Variants in KIAA1328 observed in about 807,000 individuals in gnomAD.
The protein encoded by KIAA1328 is KIAA1328.
Under a neutral mutation model 68.1 loss-of-function variants are expected in KIAA1328, and 52 were observed. The ratio of observed to expected loss-of-function variants is 0.76; its 90% CI spans 0.61 to 0.96. The LOEUF is 0.96. Among genes scored for constraint, KIAA1328 ranks in the 40% least tolerant of loss-of-function variants. The pLI is 0.00. For missense variants in KIAA1328, 641 were observed against 677.6 expected (o/e 0.95, Z 0.60); for synonymous variants, 232 against 239.4 (o/e 0.97, Z 0.28).
intron 4 of KIAA1328, among the ~76,000 whole-genome samples, chr18:36,864,983 T>C (rs1283511902): frequency 3.9e-5 from 6 of 152,002 alleles, no homozygotes; most frequent in African/African-American, 7.2e-5. Context: ...CTTTTTTTTT[T>C]CAAAGAACTA....
intron 6 of KIAA1328, among the ~76,000 whole-genome samples, chr18:37,038,217 T>C (rs577701731): frequency 6.6e-6 from 1 of 152,344 alleles, no homozygotes; most frequent in East Asian, 1.9e-4. Context: ...AGCTTTTAGC[T>C]TGCTTATCTA....
At chr18:37,217,662 C>T (rs574925863) in intron 9 of KIAA1328, among the ~76,000 whole-genome samples, 2 of 152,260 alleles carry the variant, frequency 1.3e-5, no homozygotes, top group East Asian at 1.9e-4. Flanking sequence ...TTGCTCTTCT[C>T]AAGGAGTATC....
At chr18:37,025,074 C>A (rs1354918380) in intron 6 of KIAA1328, among the ~76,000 whole-genome samples, 2 of 152,156 alleles carry the variant, frequency 1.3e-5, no homozygotes, top group African/African-American at 4.8e-5. Flanking sequence ...ACCATTCTAA[C>A]TGGTATGAGA....
rs576761093 is a variant in KIAA1328, at chr18:37,211,460, T to C, written c.1524-10557T>C. Among the ~76,000 whole-genome samples, 7 of 152,354 alleles carry C rather than the reference T, an allele frequency of 4.6e-5. No homozygotes were observed. In the East Asian group the frequency reaches 1.3e-3, roughly 29 times the overall value. On this transcript the variant is annotated intron_variant, in intron 9 of 9. Coordinates refer to ENST00000280020, the MANE Select transcript of KIAA1328 (RefSeq NM_020776.3). ...TAACTGGGTTCTGGCCAGTCAGATA[T>C]AAGGAATATTTTGTCACTTGCATGC...
At chr18:37,201,083 T>C (rs1160708596) in intron 9 of KIAA1328, among the ~76,000 whole-genome samples, 1 of 152,172 alleles carries the variant, frequency 6.6e-6, no homozygotes, top group Non-Finnish European at 1.5e-5. Flanking sequence ...TGGGATGACA[T>C]CACAGTGTGG....
At chr18:37,192,175 GTA>G (rs1491453996) in intron 9 of KIAA1328, among the ~76,000 whole-genome samples, 2 of 142,330 alleles carry the variant, frequency 1.4e-5, no homozygotes, top group African/African-American at 2.6e-5. Flanking sequence ...GTGTGTGTGT[GTA>G]TGTGTGTATG....
chr18:37,062,035 G>A (rs1033112230), intron 6 of KIAA1328, among the ~76,000 whole-genome samples: 5 of 152,088 alleles, frequency 3.3e-5, no homozygotes, highest in African/African-American at 7.2e-5. Flanking sequence ...TGGTCCACGC[G>A]CTTTATATGT....
chr18:37,059,250 A>C (rs1178932839), intron 6 of KIAA1328, among the ~76,000 whole-genome samples: 1 of 152,108 alleles, frequency 6.6e-6, no homozygotes, highest in Non-Finnish European at 1.5e-5. Context: ...GAATAGCCTA[A>C]GTGCAACCTA....
chr18:37,068,194 C>G (rs1187759079), intron 7 of KIAA1328, among the ~76,000 whole-genome samples: 1 of 152,074 alleles, frequency 6.6e-6, no homozygotes, highest in East Asian at 1.9e-4. Context: ...TAAGTAAAAG[C>G]TTGAGATTTC....
intron 5 of KIAA1328, among the ~76,000 whole-genome samples, chr18:36,888,956 A>G (rs543520988): frequency 2.0e-5 from 3 of 152,294 alleles, no homozygotes; most frequent in East Asian, 1.9e-4. Context: ...GATGTATTAT[A>G]CCAACATTTA....
chr18:37,225,014 C>T lies in KIAA1328; in HGVS notation c.*2787C>T, dbSNP rs2154227487. 1 of 985,398 alleles carries T rather than the reference C, an allele frequency of 1.0e-6. No homozygotes were observed. Among genetic ancestry groups the T allele is most frequent in the East Asian group, 1.1e-4 (1 of 8,806 alleles). The allele number at this position is 985,398 out of a possible 1,614,324, so 61.0% of individuals were successfully genotyped here. On this transcript the variant is annotated 3_prime_UTR_variant, in exon 10 of 10. Coordinates refer to ENST00000280020, the MANE Select transcript of KIAA1328 (RefSeq NM_020776.3). Reference sequence around the variant, plus strand: ...AACTTGTGTTTATCCAAACCTGATCCCCATGATGGGGACTTTTCTAGAGCA... The same window carrying T: ...AACTTGTGTTTATCCAAACCTGATCTCCATGATGGGGACTTTTCTAGAGCA...
chr18:37,073,491 A>G (rs2056606163), intron 7 of KIAA1328, among the ~76,000 whole-genome samples: 1 of 152,236 alleles, frequency 6.6e-6, no homozygotes, highest in African/African-American at 2.4e-5. Context: ...GCAATTATTA[A>G]AAGGTTCCAC....
At position 36,885,757 on chromosome 18, in the gene KIAA1328, G is replaced by C. The variant is rs771075289; in HGVS notation, c.448+85G>C. ...TTTGAGACGAAATCTCGCTCTTGTC[G>C]CCTAGGCTGCAGTGCAATGGTGCGA... On this transcript the variant is annotated intron_variant, in intron 5 of 9. Transcript: ENST00000280020. 2 of 875,454 alleles carry C rather than the reference G, an allele frequency of 2.3e-6. 1 individual carries two copies. Among genetic ancestry groups the C allele is most frequent in the South Asian group, 3.4e-5 (2 of 58,382 alleles). 54.2% of individuals were successfully genotyped at this position (875,454 alleles called of 1,614,324 possible). A position where few individuals can be genotyped will look rare whatever the true frequency, so the allele number is the denominator to read the frequency against.
At chr18:37,042,048 TTTTGTTTGTTTG>T (rs755739008) in intron 6 of KIAA1328, among the ~76,000 whole-genome samples, 1 of 151,834 alleles carries the variant, frequency 6.6e-6, no homozygotes, top group East Asian at 1.9e-4. Flanking sequence ...ACCTACCTAA[TTTTGTTTGTTTG>T]TTTGTTTGTT....
intron 9 of KIAA1328, among the ~76,000 whole-genome samples, chr18:37,216,979 G>GTTT (rs1480974787): frequency 4.2e-5 from 3 of 71,058 alleles, no homozygotes; most frequent in African/African-American, 1.7e-4. Flanking sequence ...CTTTTTTTTT[G>GTTT]TTTTTTTTTT....
chr18:36,933,329 G>T (rs2050380755), intron 5 of KIAA1328, among the ~76,000 whole-genome samples: 1 of 152,142 alleles, frequency 6.6e-6, no homozygotes, highest in South Asian at 2.1e-4. Flanking sequence ...CCCCTCACCA[G>T]ATCTGCTCCC....
At chr18:37,181,713 C>T (rs535901968) in intron 9 of KIAA1328, among the ~76,000 whole-genome samples, 1 of 152,224 alleles carries the variant, frequency 6.6e-6, no homozygotes, top group East Asian at 1.9e-4. Context: ...ATTACAACAG[C>T]TTATATTTAC....
chr18:37,043,453 G>C (rs1568329952), intron 6 of KIAA1328, among the ~76,000 whole-genome samples: 1 of 152,166 alleles, frequency 6.6e-6, no homozygotes, highest in Non-Finnish European at 1.5e-5. Flanking sequence ...GATGCATTCT[G>C]TAGGGTTTGT....
intron 7 of KIAA1328, among the ~76,000 whole-genome samples, chr18:37,116,414 G>T (rs1047369544): frequency 4.6e-5 from 7 of 152,138 alleles, no homozygotes; most frequent in African/African-American, 1.7e-4. Context: ...ATGGGGAAAG[G>T]ATTCCCTATT....
Sources: gnomAD v4.1 joint callset for allele counts (sites outside exome capture counted in the v4.1 genomes callset) on GRCh38, gnomAD v4.1.1 for gene constraint, MANE v1.5 for transcripts, NCBI Gene and HGNC (gene_info 2026-07-23, HGNC 2026-07-21) for gene names.